The following STAU1 variants were observed in gnomAD, a reference collection of about 807,000 sequenced individuals.
The protein encoded by STAU1 is double-stranded RNA-binding protein Staufen homolog 1.
A neutral mutation model predicts 62.9 loss-of-function variants in STAU1; 13 were observed. That is an observed-to-expected ratio of 0.21 (90% CI 0.13 to 0.33). STAU1 has a LOEUF of 0.33. Ranked by LOEUF, STAU1 falls within the 10% of genes least tolerant of loss-of-function variation. The pLI is 1.00. For missense variants in STAU1, 571 were observed against 712.1 expected (o/e 0.80, Z 2.25); for synonymous variants, 269 against 265.1 (o/e 1.01, Z -0.14).
At chr20:49,200,600 CA>C in the STAU1 span, among the ~76,000 whole-genome samples, 6 of 141,814 alleles carry the variant, frequency 4.2e-5, no homozygotes, top group Non-Finnish European at 7.7e-5. Flanking sequence ...GACTCCGTCT[CA>C]AAAAAAAAAC....
chr20:49,158,473 G>A (rs2093398064), intron 3 of STAU1: 1 of 1,304,476 alleles, frequency 7.7e-7, no homozygotes, highest in African/African-American at 1.5e-5. Flanking sequence ...CTTACTTTTA[G>A]GATTCCCTCA....
chr20:49,173,633 G>C (rs1053288299), intron 2 of STAU1, among the ~76,000 whole-genome samples: 2 of 152,164 alleles, frequency 1.3e-5, no homozygotes, highest in African/African-American at 4.8e-5. Context: ...TCAGCTTCTA[G>C]AGGGAAAGTG....
chr20:49,135,835 C>T lies in STAU1; in HGVS notation c.607G>A (p.Glu203Lys). The T allele has an allele frequency of 6.2e-7, 1 of 1,612,148 alleles. No homozygotes were observed. The highest frequency in any genetic ancestry group is 8.5e-7 in the Non-Finnish European group (1 of 1,179,080). Residue 203 changes from glutamate to lysine, a missense_variant and splice_region_variant, in exon 6 of 14, where the codon GAG becomes AAG. Transcript: ENST00000371856. ...TCCTACATGTAAAATTAGCTTACCTCGAAATTCACAGGCAAGTTCCGTTTA... is the reference window on the plus strand; with the variant it reads ...TCCTACATGTAAAATTAGCTTACCTTGAAATTCACAGGCAAGTTCCGTTTA... ...ALKRNLPVNF[E>K]VARESGPPHM...
At chr20:49,164,939 G>A (rs1046531640) in intron 3 of STAU1, among the ~76,000 whole-genome samples, 1 of 152,012 alleles carries the variant, frequency 6.6e-6, no homozygotes, top group Non-Finnish European at 1.5e-5. Flanking sequence ...TTGCTTTCTA[G>A]TAAATCTGGC....
chr20:49,161,844 A>C (rs1439546392), intron 3 of STAU1, among the ~76,000 whole-genome samples: 4 of 152,236 alleles, frequency 2.6e-5, no homozygotes, highest in African/African-American at 9.6e-5. Flanking sequence ...CTCCCAGAGA[A>C]GACGCAACTA....
At chr20:49,129,923 C>G (rs2092716307) in intron 6 of STAU1, among the ~76,000 whole-genome samples, 1 of 152,142 alleles carries the variant, frequency 6.6e-6, no homozygotes, top group South Asian at 2.1e-4. Flanking sequence ...CCCATGAGCC[C>G]AGCCAACTTC....
At chr20:49,209,503 C>A in the STAU1 span, among the ~76,000 whole-genome samples, 1 of 150,222 alleles carries the variant, frequency 6.7e-6, no homozygotes, top group South Asian at 2.1e-4. Flanking sequence ...TCACAGTTTG[C>A]GAGGCCAAGT....
chr20:49,130,090 A>T (rs1364574166), intron 6 of STAU1, among the ~76,000 whole-genome samples: 1 of 151,734 alleles, frequency 6.6e-6, no homozygotes, highest in African/African-American at 2.4e-5. Context: ...TCAACTGGTA[A>T]ATAGATACAC....
At chr20:49,126,299 T>C (rs1310799516) in intron 6 of STAU1, among the ~76,000 whole-genome samples, 1 of 151,822 alleles carries the variant, frequency 6.6e-6, no homozygotes, top group African/African-American at 2.4e-5. Context: ...GGGTGGCTCA[T>C]GCCTGTAATC....
chr20:49,215,984 G>A, the STAU1 span, among the ~76,000 whole-genome samples: 1 of 128,986 alleles, frequency 7.8e-6, no homozygotes, highest in Non-Finnish European at 1.6e-5. Flanking sequence ...CTCCAGCCTG[G>A]GTGATATAGC....
chr20:49,217,795 C>T, the STAU1 span, among the ~76,000 whole-genome samples: 6 of 149,120 alleles, frequency 4.0e-5, no homozygotes, highest in Admixed American at 1.3e-4. Context: ...TGCAGTAAGC[C>T]GAGATCGCGC....
At chr20:49,211,885 T>A in the STAU1 span, among the ~76,000 whole-genome samples, 1 of 152,188 alleles carries the variant, frequency 6.6e-6, no homozygotes, top group Non-Finnish European at 1.5e-5. Flanking sequence ...CTATGTTAAC[T>A]TTTTTGAAGA....
chr20:49,180,667 C>T (rs2093714210), intron 1 of STAU1, among the ~76,000 whole-genome samples: 1 of 152,200 alleles, frequency 6.6e-6, no homozygotes, highest in Non-Finnish European at 1.5e-5. Flanking sequence ...AATTTAGGAG[C>T]TGGCCTCCTT....
At chr20:49,193,753 G>C in the STAU1 span, among the ~76,000 whole-genome samples, 2 of 152,130 alleles carry the variant, frequency 1.3e-5, no homozygotes, top group South Asian at 4.1e-4. Context: ...CGGATCACGA[G>C]GTCAGGAGAT....
upstream of STAU1, among the ~76,000 whole-genome samples, chr20:49,191,199 G>A (rs2093830825): frequency 6.6e-6 from 1 of 151,802 alleles, no homozygotes; most frequent in African/African-American, 2.4e-5. Context: ...TGTAATTTTT[G>A]TGTTTTTAGT....
rs1251904651 is a variant in STAU1, at chr20:49,117,476, AAGTG to A, written c.1510-232_1510-229del. Among the ~76,000 whole-genome samples the A allele has an allele frequency of 6.6e-6, 1 of 152,178 alleles. No homozygotes were observed. Among genetic ancestry groups the A allele is most frequent in the Admixed American group, 6.5e-5 (1 of 15,274 alleles). ...GCCATATCCTTTCCTACCAGACAGA[AAGTG>A]TCAGCACGATGAGTCTGTTCTTTGA... On this transcript the variant is annotated intron_variant, in intron 11 of 13. Transcript: ENST00000371856. The surrounding 1 kb of genome is among the most constrained non-coding windows in gnomAD (Gnocchi z 4.6).
intron 3 of STAU1, among the ~76,000 whole-genome samples, chr20:49,154,535 T>C (rs2093324221): frequency 6.6e-6 from 1 of 152,214 alleles, no homozygotes; most frequent in African/African-American, 2.4e-5. Flanking sequence ...TTTATTACAT[T>C]ACTAACTGGA....
At chr20:49,183,551 C>T (rs1270609097) in intron 1 of STAU1, among the ~76,000 whole-genome samples, 1 of 152,194 alleles carries the variant, frequency 6.6e-6, no homozygotes, top group Admixed American at 6.6e-5. Flanking sequence ...GAATTACACT[C>T]TTACTCAATC....
chr20:49,169,190 T>A (rs1304890715), intron 2 of STAU1, among the ~76,000 whole-genome samples: 1 of 152,072 alleles, frequency 6.6e-6, no homozygotes, highest in Non-Finnish European at 1.5e-5. Context: ...TCTCAAGTGA[T>A]CCTCCTGCCT....
Sources: allele counts gnomAD v4.1 joint callset (sites outside exome capture counted in the v4.1 genomes callset), GRCh38; gene constraint gnomAD v4.1.1; non-coding constraint Gnocchi (gnomAD v3.1); transcripts MANE v1.5; gene names NCBI Gene and HGNC (gene_info 2026-07-23, HGNC 2026-07-21).